Variants in FNTB observed in about 807,000 individuals in gnomAD.
The protein encoded by FNTB is farnesyltransferase, CAAX box, subunit beta.
A neutral mutation model predicts 59.4 loss-of-function variants in FNTB; 27 were observed. The observed-to-expected ratio is 0.45, with a 90% CI of 0.34 to 0.63. FNTB has a LOEUF of 0.63. FNTB is among the 20% of genes least tolerant of loss of function. The probability of loss-of-function intolerance (pLI) is 0.02; values close to 1 mark genes in which losing one functional copy is unlikely to be tolerated. For missense variants in FNTB, 449 were observed against 559.6 expected, an observed-to-expected ratio of 0.80 and a Z score of 1.99; for synonymous variants, 230 against 220.7, an observed-to-expected ratio of 1.04 and a Z score of -0.37.
At chr14:65,036,711 T>G (rs1157767443) in intron 7 of FNTB, among the ~76,000 whole-genome samples, 1 of 152,088 alleles carries the variant, frequency 6.6e-6, no homozygotes, top group Non-Finnish European at 1.5e-5. Context: ...TCTTTTTGTG[T>G]GTGATGGAGT....
In FNTB at chr14:65,002,160, A is replaced by C. The variant is rs544051161; in HGVS notation, c.145-2089A>C. On this transcript the variant is annotated intron_variant, in intron 1 of 11. Transcript: ENST00000246166. ...ATGTATCTTGAAATCTCAAAAAAAA[A>C]CATGTCTCACTACAAAGATTAGGAA... 2.6e-5 allele frequency among the ~76,000 whole-genome samples: 4 copies of C among 152,312 alleles called. No homozygotes were observed. In the South Asian group the frequency reaches 8.3e-4, roughly 32 times the overall value.
rs2062466126 is a variant in FNTB at position 65,045,905 on chromosome 14, C to T, written c.955+1462C>T. ...ACAGCAAGTGCACTGTCAGCAAGTG[C>T]ACTGACTTTGGAGCCTGCACAGTCT... On this transcript the variant is annotated intron_variant, in intron 9 of 11. Transcript: ENST00000246166. 2.0e-5 allele frequency among the ~76,000 whole-genome samples: 3 copies of T among 152,338 alleles called. No homozygotes were observed. In the South Asian group the frequency reaches 6.2e-4, roughly 32 times the overall value.
intron 11 of FNTB, among the ~76,000 whole-genome samples, chr14:65,057,871 G>A (rs1307176558): frequency 6.6e-6 from 1 of 152,148 alleles, no homozygotes; most frequent in African/African-American, 2.4e-5. Flanking sequence ...ATACATGAAG[G>A]GGCCCTGTTT....
At chr14:65,018,939 C>A (rs534247925) in intron 4 of FNTB, among the ~76,000 whole-genome samples, 2 of 151,570 alleles carry the variant, frequency 1.3e-5, no homozygotes, top group Admixed American at 6.6e-5. Context: ...GGAGAAACCC[C>A]GTCTCTACTA....
At chr14:64,988,574 A>G (rs1888050409) in intron 1 of FNTB, among the ~76,000 whole-genome samples, 1 of 150,748 alleles carries the variant, frequency 6.6e-6, no homozygotes, top group Admixed American at 6.7e-5. Context: ...AGCTGAGACT[A>G]CAGGCGCCCA....
intron 2 of FNTB, chr14:65,006,207 G>C (rs759435096): frequency 1.3e-6 from 2 of 1,594,234 alleles, no homozygotes; most frequent in Non-Finnish European, 1.7e-6. Flanking sequence ...TTTCTGATTA[G>C]CCATGGCAGA....
chr14:65,012,997 G>A lies in FNTB; in HGVS notation c.282+608G>A, dbSNP rs1406070695. Among the ~76,000 whole-genome samples, 2 of 152,188 alleles carry A rather than the reference G, an allele frequency of 1.3e-5. No homozygotes were observed. Among genetic ancestry groups the A allele is most frequent in the African/African-American group, 4.8e-5 (2 of 41,456 alleles). On this transcript the variant is annotated intron_variant, in intron 3 of 11. Coordinates refer to ENST00000246166, the MANE Select transcript of FNTB (RefSeq NM_002028.4). The surrounding 1 kb of genome is among the most constrained non-coding windows in gnomAD (Gnocchi z 5.0). Reference sequence around the variant, plus strand: ...TTTCCCAGAGCAACGTCAGGACTGGGTGACGGTGGAGGGGACAGATGTTGG... The same window carrying A: ...TTTCCCAGAGCAACGTCAGGACTGGATGACGGTGGAGGGGACAGATGTTGG...
intron 8 of FNTB, 107 bp downstream of exon 8, chr14:65,041,026 G>C: frequency 6.6e-7 from 1 of 1,507,400 alleles, no homozygotes; most frequent in Admixed American, 1.9e-5. Context: ...AGGGCTAAGA[G>C]AGTTAGCTCT....
intron 1 of FNTB, among the ~76,000 whole-genome samples, chr14:64,993,112 G>T (rs908256437): frequency 3.9e-5 from 6 of 152,192 alleles, no homozygotes; most frequent in African/African-American, 1.4e-4. Context: ...GAGCCACCGC[G>T]CCCAGCTAAA....
At chr14:65,037,749 T>A (rs760884086) in intron 7 of FNTB, among the ~76,000 whole-genome samples, 2 of 56,568 alleles carry the variant, frequency 3.5e-5, no homozygotes, top group Non-Finnish European at 7.1e-5. Flanking sequence ...TTATTATTTA[T>A]TTATTTATTT....
intron 7 of FNTB, among the ~76,000 whole-genome samples, chr14:65,039,199 GT>G: frequency 6.6e-6 from 1 of 152,184 alleles, no homozygotes; most frequent in Non-Finnish European, 1.5e-5. Context: ...TGTCTGTAGG[GT>G]TTTTCCCTTG....
chr14:65,044,321 C>T lies in FNTB; in HGVS notation c.833C>T (p.Thr278Ile), dbSNP rs2062427584. ...LNLKSLLQWV[T>I]SRQMRFEGGF... is the part of the protein sequence containing the mutation. ...TCTGTGTCTCCTCAGCAATGGGTGACAAGCCGGCAGATGCGATTTGAAGGA... is the reference window on the plus strand; with the variant it reads ...TCTGTGTCTCCTCAGCAATGGGTGATAAGCCGGCAGATGCGATTTGAAGGA... Residue 278 changes from threonine to isoleucine, a missense_variant, in exon 9 of 12, where the codon ACA becomes ATA. Thr to Ile is a moderately conservative substitution (Grantham distance 89). This residue lies in a region of FNTB where 337 missense variants were observed against 479.1 expected (regional missense o/e 0.70). Coordinates refer to ENST00000246166, the MANE Select transcript of FNTB (RefSeq NM_002028.4). This position sits in a 1 kb window ranked among gnomAD's most constrained non-coding sequence, Gnocchi z 5.5. 6.2e-7 allele frequency: 1 copy of T among 1,613,448 alleles called. No individual in the cohort carries two copies. Among genetic ancestry groups the T allele is most frequent in the Non-Finnish European group, 8.5e-7 (1 of 1,179,792 alleles).
intron 9 of FNTB, among the ~76,000 whole-genome samples, chr14:65,049,284 C>T (rs918242701): frequency 6.6e-6 from 1 of 152,286 alleles, no homozygotes; most frequent in African/African-American, 2.4e-5. Context: ...TGGACATACC[C>T]TGGAATTTTC....
intron 8 of FNTB, among the ~76,000 whole-genome samples, chr14:65,043,859 A>AAAAAAAG (rs2062413288): frequency 7.0e-6 from 1 of 143,110 alleles, no homozygotes; most frequent in Non-Finnish European, 1.5e-5. Context: ...AAAAAAAAAA[A>AAAAAAAG]AGAAATGTAG....
At chr14:65,006,323 A>T in intron 2 of FNTB, 1 of 1,610,008 alleles carries the variant, frequency 6.2e-7, no homozygotes, top group Non-Finnish European at 8.5e-7. Context: ...GCTTACTAGT[A>T]TAGTCTTTCC....
At chr14:64,987,926 A>G (rs557781640) in intron 1 of FNTB, among the ~76,000 whole-genome samples, 4 of 152,318 alleles carry the variant, frequency 2.6e-5, no homozygotes, top group Non-Finnish European at 5.9e-5. Context: ...ATCTGTCCCT[A>G]GGAGAAGTGG....
chr14:65,051,305 T>C lies in FNTB; in HGVS notation c.956-1933T>C, dbSNP rs531216168. ...AGAAATTTAATAAATTCTTATTGTC[T>C]GTTTGAAATATTCAACAATTTAGGC... On this transcript the variant is annotated intron_variant, in intron 9 of 11. Coordinates refer to ENST00000246166, the MANE Select transcript of FNTB (RefSeq NM_002028.4). 2.0e-5 allele frequency among the ~76,000 whole-genome samples: 3 copies of C among 152,350 alleles called. No homozygotes were observed. In the East Asian group the frequency reaches 5.8e-4, roughly 29 times the overall value.
rs1452901008 is a variant in FNTB, at chr14:65,061,033, A to G, written c.1183-148A>G. The stretch of plus-strand genomic sequence containing the variant: ...TCCCATGTACTAGATAGTTTTAGCA[A>G]ATACACCATTTTTGAACCTTTGGGC... On this transcript the variant is annotated intron_variant, in intron 11 of 11. Coordinates refer to ENST00000246166, the MANE Select transcript of FNTB (RefSeq NM_002028.4). 9 of 1,315,808 alleles carry G rather than the reference A, an allele frequency of 6.8e-6. No homozygotes were observed. The East Asian group carries it at 1.9e-4, about 28-fold the overall frequency. The allele number at this position is 1,315,808 out of a possible 1,614,324, so 81.5% of individuals were successfully genotyped here.
chr14:65,038,490 C>T (rs1055734518), intron 7 of FNTB, among the ~76,000 whole-genome samples: 2 of 151,966 alleles, frequency 1.3e-5, no homozygotes, highest in African/African-American at 2.4e-5. Flanking sequence ...GAGGCCAAGG[C>T]AGGCAGATCA....
Sources: allele counts gnomAD v4.1 joint callset (sites outside exome capture counted in the v4.1 genomes callset), GRCh38; gene constraint gnomAD v4.1.1; regional missense constraint gnomAD v4.1.1; non-coding constraint Gnocchi (gnomAD v3.1); transcripts MANE v1.5; gene names NCBI Gene and HGNC (gene_info 2026-07-23, HGNC 2026-07-21).